Variants in PPP3CA observed in about 807,000 individuals in gnomAD.
PPP3CA encodes the protein CAM-PRP catalytic subunit.
PPP3CA carries 14 observed loss-of-function variants against 66.5 expected under a neutral mutation model. The observed-to-expected ratio is 0.21, with a 90% CI of 0.14 to 0.33. The LOEUF (loss-of-function observed/expected upper bound fraction) is 0.33. Ranked by LOEUF, PPP3CA falls within the 10% of genes least tolerant of loss-of-function variation. The probability of loss-of-function intolerance (pLI) is 1.00; values close to 1 mark genes in which losing one functional copy is unlikely to be tolerated. For synonymous variants in PPP3CA, 232 were observed against 226.2 expected (o/e 1.03, Z -0.23); for missense variants, 317 against 639.5 (o/e 0.50, Z 5.44).
At chr4:101,101,877 C>T (rs1371729691) in intron 3 of PPP3CA, among the ~76,000 whole-genome samples, 1 of 152,132 alleles carries the variant, frequency 6.6e-6, no homozygotes, top group Non-Finnish European at 1.5e-5. Flanking sequence ...AGTTCTACCT[C>T]TCCAATTAAA....
chr4:101,249,175 A>T (rs1726592031), intron 1 of PPP3CA, among the ~76,000 whole-genome samples: 1 of 152,002 alleles, frequency 6.6e-6, no homozygotes, highest in Non-Finnish European at 1.5e-5. Context: ...TCAAAAAAAA[A>T]AAAACCAAAA....
intron 11 of PPP3CA, among the ~76,000 whole-genome samples, 156 bp from the exon 12 acceptor site, chr4:101,032,520 T>TTTAA (rs1727021620): frequency 1.3e-5 from 2 of 149,768 alleles, no homozygotes; most frequent in Admixed American, 6.6e-5. Flanking sequence ...CATACTTTAT[T>TTTAA]TTAATTTATT....
intron 1 of PPP3CA, among the ~76,000 whole-genome samples, chr4:101,296,269 A>G (rs939324743): frequency 6.6e-6 from 1 of 152,164 alleles, no homozygotes; most frequent in Non-Finnish European, 1.5e-5. Context: ...ATTGGTATGT[A>G]ATTCACAGTG....
intron 3 of PPP3CA, among the ~76,000 whole-genome samples, chr4:101,102,512 G>A (rs1021412776): frequency 6.6e-5 from 10 of 152,104 alleles, no homozygotes; most frequent in Admixed American, 5.9e-4. Context: ...GGAAGAAGTG[G>A]CATGGTAAAT....
intron 6 of PPP3CA, 145 bp downstream of exon 6, chr4:101,093,628 TTTA>T (rs1730058693): frequency 1.3e-6 from 1 of 791,280 alleles, no homozygotes; most frequent in East Asian, 3.1e-5. Context: ...TATTCATTTA[TTTA>T]TATTTTCATT....
intron 6 of PPP3CA, among the ~76,000 whole-genome samples, chr4:101,084,591 C>T (rs1454172990): frequency 1.3e-5 from 2 of 150,514 alleles, no homozygotes; most frequent in Non-Finnish European, 2.9e-5. Flanking sequence ...TGCAGTGAGT[C>T]GAGAACGCAC....
intron 1 of PPP3CA, among the ~76,000 whole-genome samples, chr4:101,236,431 G>A (rs1400144099): frequency 2.0e-5 from 3 of 151,958 alleles, no homozygotes; most frequent in Non-Finnish European, 4.4e-5. Context: ...CACCATCTGT[G>A]GTTGGAGTGC....
intron 6 of PPP3CA, among the ~76,000 whole-genome samples, chr4:101,092,722 TG>T (rs1456478825): frequency 6.6e-6 from 1 of 152,032 alleles, no homozygotes; most frequent in African/African-American, 2.4e-5. Context: ...TTTGTTGCAT[TG>T]GGGCAAAAAT....
At chr4:101,086,669 A>G (rs760131403) in intron 6 of PPP3CA, among the ~76,000 whole-genome samples, 1 of 152,152 alleles carries the variant, frequency 6.6e-6, no homozygotes, top group Non-Finnish European at 1.5e-5. Flanking sequence ...CTTCAAGGCT[A>G]TCTCACCTAA....
At chr4:101,219,662 T>A (rs1272703164) in intron 1 of PPP3CA, among the ~76,000 whole-genome samples, 1 of 151,710 alleles carries the variant, frequency 6.6e-6, no homozygotes, top group African/African-American at 2.4e-5. Flanking sequence ...ATTAAGGCAA[T>A]CCTAAAAGTA....
At position 101,093,850 on chromosome 4, in the gene PPP3CA, C is replaced by T; in HGVS notation, c.708G>A (p.Leu236=). 1 of 1,613,138 alleles carries T rather than the reference C, an allele frequency of 6.2e-7. No individual in the cohort carries two copies. The highest frequency in any genetic ancestry group is 8.5e-7 in the Non-Finnish European group (1 of 1,179,394). Reference sequence around the variant, plus strand: ...GAGTCTTCTCATTTCCAAAATCTTCCAGGGGGTCTGACCACAGGATATCAC... The same window carrying T: ...GAGTCTTCTCATTTCCAAAATCTTCTAGGGGGTCTGACCACAGGATATCAC... ...PMCDILWSDP[L]EDFGNEKTQE... The change falls in exon 6 of 14, where the codon CTG becomes CTA. Residue 236 remains leucine, a synonymous_variant. Coordinates refer to ENST00000394854, the MANE Select transcript of PPP3CA (RefSeq NM_000944.5).
chr4:101,181,131 A>C (rs1194120267), intron 2 of PPP3CA, among the ~76,000 whole-genome samples: 1 of 152,132 alleles, frequency 6.6e-6, no homozygotes, highest in Non-Finnish European at 1.5e-5. Flanking sequence ...TTAAAATAAT[A>C]TTGGTAAGTA....
At chr4:101,177,971 G>A (rs1724115891) in intron 2 of PPP3CA, among the ~76,000 whole-genome samples, 1 of 152,070 alleles carries the variant, frequency 6.6e-6, no homozygotes, top group African/African-American at 2.4e-5. Context: ...GTGAATATAT[G>A]TACATAGATC....
At chr4:101,244,223 A>G (rs893413518) in intron 1 of PPP3CA, among the ~76,000 whole-genome samples, 1 of 152,190 alleles carries the variant, frequency 6.6e-6, no homozygotes, top group African/African-American at 2.4e-5. Context: ...CTTCTATAGA[A>G]AAGTCACACC....
rs771036944 is a variant in PPP3CA at position 101,196,027 on chromosome 4, G to A, written c.148C>T (p.Leu50Phe). 1.2e-6 allele frequency: 2 copies of A among 1,613,920 alleles called. No individual in the cohort carries two copies. Among genetic ancestry groups the A allele is most frequent in the Non-Finnish European group, 1.7e-6 (2 of 1,179,948 alleles). ...TCTTCCAGCCTTCCCTCCTTCATAA[G>A]ATGCGCCTTTAAGATATCCACACGA... ...KPRVDILKAH[L>F]MKEGRLEESV... The change falls in exon 2 of 14, where the codon CTT becomes TTT. Residue 50 changes from leucine to phenylalanine, a missense_variant. Physicochemically the swap from Leu to Phe is conservative, Grantham distance 22 (BLOSUM62 0). This residue lies in a region of PPP3CA where 76 missense variants were observed against 99.5 expected (regional missense o/e 0.76). Coordinates refer to ENST00000394854, the MANE Select transcript of PPP3CA (RefSeq NM_000944.5).
rs928262741 is a variant in PPP3CA at position 101,025,615 on chromosome 4, T to A, written c.*250A>T. ...TTAGCTTTCTTTTTAAAATTTTTTT[T>A]CTCTATAAGCATTTTTAAAAGGCAT... On this transcript the variant is annotated 3_prime_UTR_variant, in exon 14 of 14. Coordinates refer to ENST00000394854, the MANE Select transcript of PPP3CA (RefSeq NM_000944.5). 8.6e-6 allele frequency: 3 copies of A among 348,406 alleles called. No individual in the cohort carries two copies. Among genetic ancestry groups the A allele is most frequent in the African/African-American group, 6.3e-5 (3 of 47,346 alleles). 21.6% of individuals were successfully genotyped at this position (348,406 alleles called of 1,614,324 possible).
chr4:101,340,466 A>C (rs1240790587), intron 1 of PPP3CA, among the ~76,000 whole-genome samples: 1 of 152,166 alleles, frequency 6.6e-6, no homozygotes, highest in African/African-American at 2.4e-5. Flanking sequence ...CATATTTGTT[A>C]AAACGGATTT....
At chr4:101,108,197 C>T (rs947087173) in intron 3 of PPP3CA, 1 of 152,180 alleles carries the variant, frequency 6.6e-6, no homozygotes, top group African/African-American at 2.4e-5. Flanking sequence ...AGACAAAATA[C>T]AGCAGCTGTA....
chr4:101,290,663 C>T (rs1325586532), intron 1 of PPP3CA, among the ~76,000 whole-genome samples: 1 of 152,040 alleles, frequency 6.6e-6, no homozygotes, highest in Non-Finnish European at 1.5e-5. Context: ...CAACCCAGTA[C>T]AAGAGTCAAA....
Sources: gnomAD v4.1 joint callset for allele counts (sites outside exome capture counted in the v4.1 genomes callset) on GRCh38, gnomAD v4.1.1 for gene constraint, gnomAD v4.1.1 regional missense constraint, MANE v1.5 for transcripts, NCBI Gene and HGNC (gene_info 2026-07-23, HGNC 2026-07-21) for gene names.